TMEM144: variants seen among roughly 807,000 people sequenced by gnomAD.
TMEM144 encodes the protein transmembrane protein 144.
TMEM144 carries 39 observed loss-of-function variants against 43.6 expected under a neutral mutation model. The ratio of observed to expected loss-of-function variants is 0.90; its 90% confidence interval spans 0.69 to 1.17. The LOEUF (loss-of-function observed/expected upper bound fraction) is 1.17, where lower values mean the gene tolerates loss of function less well. Ranked by LOEUF, TMEM144 falls within the 50% of genes most tolerant of loss-of-function variation. TMEM144 has a pLI of 0.00. For synonymous variants in TMEM144, 154 were observed against 133.6 expected (o/e 1.15, Z -1.06); for missense variants, 417 against 411.9 (o/e 1.01, Z -0.11).
At chr4:158,245,827 C>T (rs1389665998) in intron 12 of TMEM144, among the ~76,000 whole-genome samples, 1 of 151,914 alleles carries the variant, frequency 6.6e-6, no homozygotes, top group Non-Finnish European at 1.5e-5. Context: ...ACTCAGAAGG[C>T]TAAGGAGGGA....
intron 10 of TMEM144, 41 bp downstream of exon 10, chr4:158,240,459 G>A (rs1365959494): frequency 6.4e-7 from 1 of 1,560,812 alleles, no homozygotes; most frequent in Non-Finnish European, 8.6e-7. Flanking sequence ...ATATGAAAGT[G>A]TCATCTACAA....
At chr4:158,247,875 T>C (rs575686806) in intron 12 of TMEM144, among the ~76,000 whole-genome samples, 1 of 151,714 alleles carries the variant, frequency 6.6e-6, no homozygotes, top group South Asian at 2.1e-4. Flanking sequence ...TTCTAGAATT[T>C]TTAGAGTAGG....
intron 12 of TMEM144, among the ~76,000 whole-genome samples, chr4:158,244,688 G>A (rs1735799088): frequency 1.3e-5 from 2 of 151,950 alleles, no homozygotes; most frequent in South Asian, 2.1e-4. Context: ...AAAGAAAATG[G>A]GAATGCATTC....
chr4:158,233,072 G>C lies in TMEM144; in HGVS notation c.495+90G>C. ...AATTTTAAACACAGATGAAAAAGTG[G>C]TGTTTGCTCATCACTCCTGGCTATG... is the stretch of plus-strand genomic sequence containing the variant. On this transcript the variant is annotated intron_variant, in intron 7 of 12. Coordinates refer to ENST00000296529, the MANE Select transcript of TMEM144 (RefSeq NM_018342.5). 3.0e-6 allele frequency: 3 copies of C among 999,060 alleles called. No homozygotes were observed. The South Asian group carries it at 4.9e-5, about 16-fold the overall frequency. 61.9% of individuals were successfully genotyped at this position (999,060 alleles called of 1,614,324 possible).
intron 10 of TMEM144, among the ~76,000 whole-genome samples, chr4:158,241,040 C>T (rs919935089): frequency 6.6e-6 from 1 of 151,876 alleles, no homozygotes; most frequent in Non-Finnish European, 1.5e-5. Context: ...TAAAGAATGC[C>T]ACCGTGTAGA....
At chr4:158,231,433 G>C (rs1456119920) in intron 6 of TMEM144, among the ~76,000 whole-genome samples, 1 of 152,094 alleles carries the variant, frequency 6.6e-6, no homozygotes, top group Non-Finnish European at 1.5e-5. Flanking sequence ...CCGTAATTTG[G>C]GGTATCATTT....
At chr4:158,239,523 T>C (rs1182626414) in intron 9 of TMEM144, among the ~76,000 whole-genome samples, 4 of 152,238 alleles carry the variant, frequency 2.6e-5, no homozygotes, top group Non-Finnish European at 5.9e-5. Flanking sequence ...AACAGCCTTC[T>C]GTACAGCTGT....
Position 158,212,711 on chromosome 4 carries a change from GT to G in TMEM144, c.48del (p.Phe16LeufsTer2). ...GADLTFGYIS[C>X]FVAILLFGSN... ...GACCTAACCTTTGGTTACATCTCCT[GT>G]TTTGTAGCTATCCTTTTGTTTGGCT... is the stretch of plus-strand genomic sequence containing the variant. On this transcript the variant is annotated frameshift_variant, in exon 3 of 13. Coordinates refer to ENST00000296529, the MANE Select transcript of TMEM144 (RefSeq NM_018342.5). LOFTEE classifies it high-confidence loss of function. 6.2e-7 allele frequency: 1 copy of G among 1,613,788 alleles called. No homozygotes were observed.
chr4:158,250,858 A>G (rs1484373142), intron 12 of TMEM144, among the ~76,000 whole-genome samples: 1 of 152,208 alleles, frequency 6.6e-6, no homozygotes, highest in East Asian at 1.9e-4. Flanking sequence ...CACCAAAAAC[A>G]CAGCATTCTA....
chr4:158,246,107 A>AT (rs1579152247), intron 12 of TMEM144, among the ~76,000 whole-genome samples: 1 of 152,288 alleles, frequency 6.6e-6, no homozygotes, highest in East Asian at 1.9e-4. Context: ...CTCCCTAACA[A>AT]TTTAAAGATT....
Position 158,240,428 on chromosome 4 carries a change from T to C in TMEM144, c.802+10T>C. 3.8e-6 allele frequency: 6 copies of C among 1,593,922 alleles called. No homozygotes were observed. The highest frequency in any genetic ancestry group is 5.1e-6 in the Non-Finnish European group (6 of 1,173,690). On this transcript the variant is annotated intron_variant, in intron 10 of 12. Coordinates refer to ENST00000296529, the MANE Select transcript of TMEM144 (RefSeq NM_018342.5). ...GAAGCAGTCCTACCAGGTAAGAATA[T>C]GTACTACAGATCTTCTTACTATATG...
intron 12 of TMEM144, among the ~76,000 whole-genome samples, chr4:158,252,912 T>C (rs914062883): frequency 2.0e-5 from 3 of 152,190 alleles, no homozygotes; most frequent in African/African-American, 7.2e-5. Flanking sequence ...TAACTTTGAT[T>C]GCTTCAGTCA....
chr4:158,251,695 C>A (rs573238772), intron 12 of TMEM144, among the ~76,000 whole-genome samples: 119 of 152,072 alleles, frequency 7.8e-4, no homozygotes, highest in Non-Finnish European at 1.3e-3. Flanking sequence ...CTGGGACCAC[C>A]CATATTTGGT....
At chr4:158,227,538 ATCTCTCTT>A (rs1734837121) in intron 6 of TMEM144, among the ~76,000 whole-genome samples, 1 of 151,886 alleles carries the variant, frequency 6.6e-6, no homozygotes, top group Admixed American at 6.6e-5. Flanking sequence ...TTATATATAT[ATCTCTCTT>A]TCTCTCTTTC....
intron 12 of TMEM144, among the ~76,000 whole-genome samples, chr4:158,248,205 G>A (rs1171891068): frequency 2.6e-5 from 4 of 151,336 alleles, no homozygotes; most frequent in African/African-American, 7.3e-5. Context: ...AGCCAAGGTG[G>A]CCAGATCACT....
chr4:158,226,772 G>A (rs1168613864), intron 6 of TMEM144, among the ~76,000 whole-genome samples: 1 of 151,898 alleles, frequency 6.6e-6, no homozygotes, highest in Non-Finnish European at 1.5e-5. Flanking sequence ...TCTTTGACAT[G>A]CTTTAACTTT....
intron 5 of TMEM144, among the ~76,000 whole-genome samples, chr4:158,218,669 A>T (rs572360613): frequency 6.6e-6 from 1 of 152,308 alleles, no homozygotes; most frequent in East Asian, 1.9e-4. Context: ...CAAATATTAT[A>T]CAATATTGTA....
chr4:158,210,881 G>C (rs1411109126), intron 1 of TMEM144: 2 of 152,048 alleles, frequency 1.3e-5, no homozygotes, highest in Non-Finnish European at 2.9e-5. Context: ...AAAATGTAAA[G>C]GAGAAGTATT....
In TMEM144 at chr4:158,232,376, T is replaced by C. The variant is rs550282384; in HGVS notation, c.414-525T>C. 4.6e-5 allele frequency among the ~76,000 whole-genome samples: 7 copies of C among 152,312 alleles called. No individual in the cohort carries two copies. The South Asian group carries it at 1.5e-3, about 32-fold the overall frequency. ...GCATGACCATGTAGGCCACCTCACC[T>C]GAGTTTGAGTGTACCTGTGTGAGTG... On this transcript the variant is annotated intron_variant, in intron 6 of 12. Transcript: ENST00000296529.
Sources: gnomAD v4.1 joint callset for allele counts (sites outside exome capture counted in the v4.1 genomes callset) on GRCh38, gnomAD v4.1.1 for gene constraint, MANE v1.5 for transcripts, NCBI Gene and HGNC (gene_info 2026-07-23, HGNC 2026-07-21) for gene names.